Variants in SLC7A8 observed in about 807,000 individuals in gnomAD.
SLC7A8 encodes solute carrier family 7 member 8, also known as large neutral amino acids transporter small subunit 2.
A neutral mutation model predicts 51.2 loss-of-function variants in SLC7A8; 30 were observed. That is an observed-to-expected ratio of 0.59 (90% CI 0.44 to 0.80). The LOEUF is 0.80. Among genes scored for constraint, SLC7A8 ranks in the 30% least tolerant of loss-of-function variants. SLC7A8 has a pLI of 0.00. For synonymous variants in SLC7A8, 257 were observed against 275.8 expected (o/e 0.93, Z 0.67); for missense variants, 612 against 674.4 (o/e 0.91, Z 1.03).
At position 23,127,071 on chromosome 14, in the gene SLC7A8, A is replaced by T; in HGVS notation, c.*106T>A. 7.1e-7 allele frequency: 1 copy of T among 1,399,096 alleles called. No individual in the cohort carries two copies. Among genetic ancestry groups the T allele is most frequent in the Non-Finnish European group, 9.9e-7 (1 of 1,010,256 alleles). 86.7% of individuals were successfully genotyped at this position (1,399,096 alleles called of 1,614,324 possible). ...CCAAAGTCCTACCACTGCCTGACAAAAGCAGAGAGAGGGGTGTGTGTGTAC... is the reference window on the plus strand; with the variant it reads ...CCAAAGTCCTACCACTGCCTGACAATAGCAGAGAGAGGGGTGTGTGTGTAC... On this transcript the variant is annotated 3_prime_UTR_variant, in exon 11 of 11. Coordinates refer to ENST00000316902, the MANE Select transcript of SLC7A8 (RefSeq NM_012244.4).
intron 5 of SLC7A8, 56 bp from the exon 6 acceptor site, chr14:23,139,603 C>A: frequency 1.3e-6 from 2 of 1,576,326 alleles, no homozygotes; most frequent in South Asian, 1.2e-5. Context: ...CCCGCCTTGC[C>A]ATGGAGTCCA....
intron 3 of SLC7A8, among the ~76,000 whole-genome samples, chr14:23,154,026 G>C (rs1424264840): frequency 6.6e-6 from 1 of 152,324 alleles, no homozygotes; most frequent in Admixed American, 6.5e-5. Context: ...AAAAGGGCTT[G>C]AGAGGAGCAG....
At chr14:23,182,722 C>T (rs1338946148) in intron 1 of SLC7A8, 42 bp downstream of exon 1, 2 of 1,514,882 alleles carry the variant, frequency 1.3e-6, no homozygotes, top group Non-Finnish European at 1.8e-6. Context: ...GGAGGACCAC[C>T]AGAGGGGAGA....
At chr14:23,133,446 A>AG (rs2048659434) in intron 7 of SLC7A8, among the ~76,000 whole-genome samples, 1 of 151,080 alleles carries the variant, frequency 6.6e-6, no homozygotes, top group Non-Finnish European at 1.5e-5. Context: ...GTCTCAAAAA[A>AG]AAAAAAAAAA....
chr14:23,174,285 G>T lies in SLC7A8; in HGVS notation c.152-7745C>A, dbSNP rs559687921. ...GTGCATTTCCTAAATGTACAAACAAGCACCTTTAAAACGTGGAGACAGATG... is the reference window on the plus strand; with the variant it reads ...GTGCATTTCCTAAATGTACAAACAATCACCTTTAAAACGTGGAGACAGATG... On this transcript the variant is annotated intron_variant, in intron 1 of 10. Coordinates refer to ENST00000316902, the MANE Select transcript of SLC7A8 (RefSeq NM_012244.4). Among the ~76,000 whole-genome samples, 9 of 152,344 alleles carry T rather than the reference G, an allele frequency of 5.9e-5. No homozygotes were observed. In the South Asian group the frequency reaches 1.2e-3, roughly 21 times the overall value.
intron 1 of SLC7A8, 43 bp downstream of exon 1, chr14:23,182,721 C>G: frequency 6.6e-7 from 1 of 1,514,426 alleles, no homozygotes; most frequent in East Asian, 2.3e-5. Flanking sequence ...AGGAGGACCA[C>G]CAGAGGGGAG....
chr14:23,132,184 A>AAG (rs2048642627), intron 7 of SLC7A8, among the ~76,000 whole-genome samples: 4 of 151,542 alleles, frequency 2.6e-5, no homozygotes, highest in African/African-American at 9.7e-5. Flanking sequence ...TTGTATTTTC[A>AAG]GTAGAGACGG....
intron 1 of SLC7A8, among the ~76,000 whole-genome samples, chr14:23,180,942 G>T (rs1346716247): frequency 2.0e-5 from 3 of 152,114 alleles, no homozygotes; most frequent in Non-Finnish European, 4.4e-5. Context: ...CAGGAGAATG[G>T]CGTGAACCCG....
intron 3 of SLC7A8, among the ~76,000 whole-genome samples, chr14:23,159,932 C>T (rs2048913007): frequency 6.6e-6 from 1 of 152,162 alleles, no homozygotes; most frequent in Admixed American, 6.5e-5. Context: ...ATATTTCTTT[C>T]TCCTGAGGGT....
At chr14:23,138,211 G>A (rs1213280206) in intron 6 of SLC7A8, 187 bp from the exon 7 acceptor site, 1 of 622,668 alleles carries the variant, frequency 1.6e-6, no homozygotes. Context: ...GCATGTTTTA[G>A]GCTAATTAAC....
chr14:23,155,106 G>T, intron 3 of SLC7A8: 1 of 1,463,338 alleles, frequency 6.8e-7, no homozygotes, highest in Non-Finnish European at 9.2e-7. Context: ...AACAGATCTT[G>T]CCTATCGCAC....
intron 3 of SLC7A8, among the ~76,000 whole-genome samples, chr14:23,164,355 G>C (rs2048938112): frequency 6.6e-6 from 1 of 152,244 alleles, no homozygotes; most frequent in Non-Finnish European, 1.5e-5. Context: ...GGAGTAGCCA[G>C]CACAGTGCAG....
rs1314787474 is a variant in SLC7A8 at position 23,128,064 on chromosome 14, C to T, written c.1396G>A (p.Gly466Ser). Residue 466 changes from glycine to serine, a missense_variant, in exon 10 of 11, where the codon GGT becomes AGT. Transcript: ENST00000316902. The surrounding 1 kb of genome is among the most constrained non-coding windows in gnomAD (Gnocchi z 4.3). ...TTGGGCTTGTGTTGCCAGTAAACAC[C>T]CAGGAAATAGACAGGCACTCCTGTC... ...MLTGVPVYFL[G>S]VYWQHKPKCF... 2 of 1,614,040 alleles carry T rather than the reference C, an allele frequency of 1.2e-6. No homozygotes were observed. Among genetic ancestry groups the T allele is most frequent in the Non-Finnish European group, 1.7e-6 (2 of 1,180,032 alleles).
intron 3 of SLC7A8, among the ~76,000 whole-genome samples, chr14:23,162,898 G>A (rs997571189): frequency 4.6e-5 from 7 of 152,106 alleles, no homozygotes; most frequent in Admixed American, 3.3e-4. Flanking sequence ...TTGATTTCTA[G>A]TAGAAGGGTA....
chr14:23,173,190 G>A (rs1315756373), intron 1 of SLC7A8, among the ~76,000 whole-genome samples: 1 of 152,214 alleles, frequency 6.6e-6, no homozygotes, highest in Non-Finnish European at 1.5e-5. Context: ...AAGGAACTGT[G>A]TGGAAAGGGA....
At chr14:23,149,172 T>C (rs2048824500) in intron 3 of SLC7A8, among the ~76,000 whole-genome samples, 1 of 152,214 alleles carries the variant, frequency 6.6e-6, no homozygotes, top group African/African-American at 2.4e-5. Flanking sequence ...TTCCCAACCC[T>C]AGTTGGGATC....
chr14:23,140,405 C>T, intron 5 of SLC7A8, 66 bp downstream of exon 5: 1 of 1,503,746 alleles, frequency 6.7e-7, no homozygotes, highest in African/African-American at 1.4e-5. Flanking sequence ...CACCTGCTCC[C>T]TCTTTCCAGC....
intron 1 of SLC7A8, among the ~76,000 whole-genome samples, chr14:23,180,659 T>A (rs1455520280): frequency 6.6e-6 from 1 of 152,180 alleles, no homozygotes; most frequent in Non-Finnish European, 1.5e-5. Flanking sequence ...ATCCATAAGG[T>A]TGTGGACAAA....
chr14:23,129,035 A>G (rs1035423115), intron 9 of SLC7A8, among the ~76,000 whole-genome samples: 2 of 152,208 alleles, frequency 1.3e-5, no homozygotes, highest in African/African-American at 2.4e-5. Context: ...AATTCGTAGG[A>G]GAACTCATAA....
Sources: gnomAD v4.1 joint callset for allele counts (sites outside exome capture counted in the v4.1 genomes callset) on GRCh38, gnomAD v4.1.1 for gene constraint, Gnocchi (gnomAD v3.1) non-coding constraint, MANE v1.5 for transcripts, NCBI Gene and HGNC (gene_info 2026-07-23, HGNC 2026-07-21) for gene names.